Variants in SETD2 observed in about 807,000 individuals in gnomAD.
SETD2 encodes the protein SET domain containing 2, histone lysine methyltransferase, also known as histone-lysine N-methyltransferase SETD2.
A neutral mutation model predicts 242.1 loss-of-function variants in SETD2; 31 were observed. That is an observed-to-expected ratio of 0.13 (90% CI 0.10 to 0.17). The LOEUF (loss-of-function observed/expected upper bound fraction) is 0.17. Ranked by LOEUF, SETD2 falls within the 10% of genes least tolerant of loss-of-function variation. The probability of loss-of-function intolerance (pLI) is 1.00; values close to 1 mark genes in which losing one functional copy is unlikely to be tolerated. For synonymous variants in SETD2, 1,006 were observed against 1,066.5 expected (o/e 0.94, Z 1.11); for missense variants, 2,481 against 3,046.3 (o/e 0.81, Z 4.37).
At chr3:47,143,836 G>C (rs1165864988) in intron 1 of SETD2, among the ~76,000 whole-genome samples, 1 of 151,786 alleles carries the variant, frequency 6.6e-6, no homozygotes, top group Non-Finnish European at 1.5e-5. Flanking sequence ...TCAGCCTCCC[G>C]AGTAGCTGGG....
At chr3:47,112,885 C>T (rs549589890) in intron 5 of SETD2, among the ~76,000 whole-genome samples, 2 of 151,906 alleles carry the variant, frequency 1.3e-5, no homozygotes, top group South Asian at 2.1e-4. Context: ...TCACCATGCC[C>T]GGCCAAGAAT....
At chr3:47,163,201 T>A (rs1697551733) in intron 1 of SETD2, among the ~76,000 whole-genome samples, 1 of 152,092 alleles carries the variant, frequency 6.6e-6, no homozygotes, top group Non-Finnish European at 1.5e-5. Flanking sequence ...ACCTCGCCAT[T>A]ACAAAACCCA....
chr3:47,057,176 T>C lies in SETD2; in HGVS notation c.6608A>G (p.Tyr2203Cys). The C allele has an allele frequency of 6.2e-7, 1 of 1,614,098 alleles. No individual in the cohort carries two copies. Among genetic ancestry groups the C allele is most frequent in the Non-Finnish European group, 8.5e-7 (1 of 1,179,986 alleles). ...TCCCACCAAGGGCTGAGCATGATCA[T>C]AAGGAGCAGGAGAACACACTGGGTC... ...SMDPVCSPAP[Y>C]DHAQPLVGHS... Residue 2203 changes from tyrosine to cysteine, a missense_variant, in exon 15 of 21, where the codon TAT (tyrosine) becomes TGT (cysteine). By Grantham distance (194) the Tyr-to-Cys change is radical. This residue lies in a region of SETD2 where 235 missense variants were observed against 293.9 expected (regional missense o/e 0.80). Transcript: ENST00000409792.
chr3:47,039,277 T>C (rs1224943922), intron 17 of SETD2, among the ~76,000 whole-genome samples: 1 of 151,842 alleles, frequency 6.6e-6, no homozygotes, highest in African/African-American at 2.4e-5. Flanking sequence ...TGCAATGGCG[T>C]GATCTCAGCT....
At position 47,053,913 on chromosome 3, in the gene SETD2, C is replaced by T. The variant is rs7613707; in HGVS notation, c.6963+2908G>A. Among the ~76,000 whole-genome samples the T allele has an allele frequency of 9.5e-3, 1,441 of 152,274 alleles. 30 individuals are homozygous for T. Among genetic ancestry groups the T allele is most frequent in the African/African-American group, 0.033 (1,358 of 41,538 alleles). On this transcript the variant is annotated intron_variant, in intron 15 of 20. Transcript: ENST00000409792. ...TTTGAATCTATCATTATTAATATCC[C>T]TTATCTTAATGCAAATCAAACCATT... is the stretch of plus-strand genomic sequence containing the variant.
At chr3:47,107,720 CGGGG>C (rs1184327932) in intron 5 of SETD2, among the ~76,000 whole-genome samples, 2,084 of 129,862 alleles carry the variant, frequency 0.016, 44 homozygotes, top group Non-Finnish European at 0.027. Flanking sequence ...CTTTGGGTGG[CGGGG>C]GGGGGTGGGG....
intron 9 of SETD2, among the ~76,000 whole-genome samples, chr3:47,094,673 T>C (rs2041936898): frequency 6.6e-6 from 1 of 152,230 alleles, no homozygotes; most frequent in Non-Finnish European, 1.5e-5. Flanking sequence ...TAAAGTACAA[T>C]TAACCTCTGC....
intron 13 of SETD2, among the ~76,000 whole-genome samples, 163 bp from the exon 14 acceptor site, chr3:47,062,509 C>A (rs577060803): frequency 4.0e-4 from 61 of 152,122 alleles, no homozygotes; most frequent in African/African-American, 1.4e-3. Flanking sequence ...GAAAGAGATA[C>A]AAGGTCTTAT....
At chr3:47,055,660 T>C (rs897083202) in intron 15 of SETD2, among the ~76,000 whole-genome samples, 6 of 150,238 alleles carry the variant, frequency 4.0e-5, no homozygotes, top group Non-Finnish European at 7.4e-5. Flanking sequence ...ATCACTGTAC[T>C]CCAGCCCGGG....
intron 18 of SETD2, among the ~76,000 whole-genome samples, chr3:47,020,892 G>A (rs2038188788): frequency 6.6e-6 from 1 of 152,136 alleles, no homozygotes; most frequent in African/African-American, 2.4e-5. Flanking sequence ...CCAGAGAAAG[G>A]TGGCACTCCC....
intron 18 of SETD2, among the ~76,000 whole-genome samples, chr3:47,025,213 T>A (rs1479744658): frequency 2.0e-5 from 3 of 152,142 alleles, no homozygotes; most frequent in Non-Finnish European, 2.9e-5. Context: ...AATGATGGGA[T>A]CTTATCCACC....
At chr3:47,057,688 AAAAT>A (rs1477214743) in intron 14 of SETD2, among the ~76,000 whole-genome samples, 198 bp from the exon 15 acceptor site, 2 of 152,194 alleles carry the variant, frequency 1.3e-5, no homozygotes, top group African/African-American at 4.8e-5. Context: ...CAAAGAGATG[AAAAT>A]AATTTCATCT....
At position 47,016,949 on chromosome 3, in the gene SETD2, T is replaced by C; in HGVS notation, c.*144A>G. On this transcript the variant is annotated 3_prime_UTR_variant, in exon 21 of 21. Coordinates refer to ENST00000409792, the MANE Select transcript of SETD2 (RefSeq NM_014159.7). ...GGAGTTCATTTTTGTGGCCTTCAGT[T>C]GACATCTGCAGGGTTGAATTCCCCA... The C allele has an allele frequency of 1.3e-6, 1 of 761,646 alleles. No homozygotes were observed. Among genetic ancestry groups the C allele is most frequent in the Non-Finnish European group, 2.1e-6 (1 of 466,718 alleles). The allele number at this position is 761,646 out of a possible 1,614,324, so 47.2% of individuals were successfully genotyped here.
At chr3:47,057,900 CAGG>C (rs777285664) in intron 14 of SETD2, among the ~76,000 whole-genome samples, 4 of 152,060 alleles carry the variant, frequency 2.6e-5, no homozygotes, top group Non-Finnish European at 5.9e-5. Flanking sequence ...TACGGTTAAG[CAGG>C]AGATTAGATA....
intron 10 of SETD2, 95 bp from the exon 11 acceptor site, chr3:47,086,409 A>T: frequency 8.1e-7 from 1 of 1,236,856 alleles, no homozygotes; most frequent in South Asian, 1.4e-5. Flanking sequence ...TACGTTACAC[A>T]TTATAGGGTT....
chr3:47,119,612 C>T, intron 3 of SETD2: 2 of 275,290 alleles, frequency 7.3e-6, no homozygotes, highest in Non-Finnish European at 7.1e-6. Context: ...CTCTTTTTCT[C>T]TTGCCACCAC....
chr3:47,153,911 C>CTA (rs2044062085), intron 1 of SETD2, among the ~76,000 whole-genome samples: 1 of 152,094 alleles, frequency 6.6e-6, no homozygotes, highest in Non-Finnish European at 1.5e-5. Context: ...TTAAAAAACT[C>CTA]TAAACAAAAT....
chr3:47,056,989 A>C lies in SETD2; in HGVS notation c.6795T>G (p.Val2265=). ...CCCAAACACTATAATTCTGTCCCTG[A>C]ACTGGGCCGGGGGCCGGCACTGGCA... The part of the protein sequence containing the change: ...AVLPVPAPGP[V]QGQNYSVWDS... The change falls in exon 15 of 21, where the codon GTT becomes GTG. Residue 2265 remains valine, a synonymous_variant. Coordinates refer to ENST00000409792, the MANE Select transcript of SETD2 (RefSeq NM_014159.7). 1 of 1,614,258 alleles carries C rather than the reference A, an allele frequency of 6.2e-7. No individual in the cohort carries two copies. Among genetic ancestry groups the C allele is most frequent in the Admixed American group, 1.7e-5 (1 of 60,032 alleles).
intron 14 of SETD2, among the ~76,000 whole-genome samples, chr3:47,060,790 A>G (rs2040297801): frequency 6.6e-6 from 1 of 152,234 alleles, no homozygotes; most frequent in South Asian, 2.1e-4. Flanking sequence ...AAAGGTACAA[A>G]AAGTGTCAAA....
Sources: gnomAD v4.1 joint callset for allele counts (sites outside exome capture counted in the v4.1 genomes callset) on GRCh38, gnomAD v4.1.1 for gene constraint, gnomAD v4.1.1 regional missense constraint, MANE v1.5 for transcripts, NCBI Gene and HGNC (gene_info 2026-07-23, HGNC 2026-07-21) for gene names.